The following CYSTM1 variants were observed in gnomAD, a reference collection of about 807,000 sequenced individuals.
CYSTM1 encodes cysteine rich transmembrane module containing 1, also known as cysteine-rich transmembrane module-containing protein 1.
CYSTM1 carries 4 observed loss-of-function variants against 13.1 expected under a neutral mutation model. That is an observed-to-expected ratio of 0.31 (90% CI 0.15 to 0.70). The LOEUF (loss-of-function observed/expected upper bound fraction) is 0.70. Among genes scored for constraint, CYSTM1 ranks in the 30% least tolerant of loss-of-function variants. The pLI, the probability that CYSTM1 is intolerant of heterozygous loss-of-function variation, is 0.72. For synonymous variants in CYSTM1, 36 were observed against 42.7 expected, an observed-to-expected ratio of 0.84 and a Z score of 0.62; for missense variants, 96 against 121.6, an observed-to-expected ratio of 0.79 and a Z score of 0.99.
At chr5:140,225,771 A>G (rs1229602360) in intron 2 of CYSTM1, among the ~76,000 whole-genome samples, 3 of 152,184 alleles carry the variant, frequency 2.0e-5, no homozygotes, top group Admixed American at 1.3e-4. Flanking sequence ...CCTCCCCAGC[A>G]TTCTTGTATT....
At chr5:140,214,771 G>A (rs1306435122) in intron 2 of CYSTM1, among the ~76,000 whole-genome samples, 1 of 152,248 alleles carries the variant, frequency 6.6e-6, no homozygotes, top group African/African-American at 2.4e-5. Flanking sequence ...AGGCACAGGT[G>A]GGATAGAGTA....
intron 2 of CYSTM1, among the ~76,000 whole-genome samples, chr5:140,231,016 G>A (rs370010209): frequency 6.6e-6 from 1 of 152,104 alleles, no homozygotes; most frequent in African/African-American, 2.4e-5. Context: ...GTTTGGCTTT[G>A]ATTGGAACAG....
intron 2 of CYSTM1, among the ~76,000 whole-genome samples, chr5:140,217,118 C>T (rs1032710447): frequency 4.6e-5 from 7 of 152,048 alleles, no homozygotes; most frequent in African/African-American, 1.2e-4. Context: ...GCCTTGGTTT[C>T]CTCTGAGCTT....
intron 1 of CYSTM1, among the ~76,000 whole-genome samples, chr5:140,183,437 AAG>A (rs1423235809): frequency 2.6e-5 from 4 of 152,116 alleles, no homozygotes; most frequent in Non-Finnish European, 5.9e-5. Context: ...TGACTATTTG[AAG>A]TTCCAATTAT....
chr5:140,227,398 G>T (rs868481368), intron 2 of CYSTM1, among the ~76,000 whole-genome samples: 2 of 152,180 alleles, frequency 1.3e-5, no homozygotes, highest in African/African-American at 4.8e-5. Context: ...TCCTTGGAGG[G>T]AGAGTTGTGA....
chr5:140,221,254 T>C (rs10039620), intron 2 of CYSTM1, among the ~76,000 whole-genome samples: 1 of 152,360 alleles, frequency 6.6e-6, no homozygotes, highest in African/African-American at 2.4e-5. Context: ...ATTTTTAATG[T>C]ACAATTCATT....
chr5:140,184,930 G>T (rs1390033709), intron 1 of CYSTM1, among the ~76,000 whole-genome samples: 1 of 152,234 alleles, frequency 6.6e-6, no homozygotes, highest in African/African-American at 2.4e-5. Flanking sequence ...GATAATTAAT[G>T]TAGGTATGGT....
chr5:140,178,158 G>A (rs975212918), intron 1 of CYSTM1, among the ~76,000 whole-genome samples: 1 of 152,164 alleles, frequency 6.6e-6, no homozygotes, highest in African/African-American at 2.4e-5. Context: ...GAAAGGCAGG[G>A]CTGGGGTATG....
intron 1 of CYSTM1, among the ~76,000 whole-genome samples, chr5:140,182,866 A>AT (rs958575636): frequency 1.3e-5 from 2 of 152,110 alleles, no homozygotes; most frequent in African/African-American, 2.4e-5. Flanking sequence ...CATGATAGGC[A>AT]TGAGTGGTAC....
At chr5:140,193,605 C>T (rs146293370) in intron 1 of CYSTM1, among the ~76,000 whole-genome samples, 38 of 152,300 alleles carry the variant, frequency 2.5e-4, no homozygotes, top group African/African-American at 7.9e-4. Context: ...TGAAAGTCAC[C>T]GTGCCAGGCA....
chr5:140,241,144 A>G (rs757562806), intron 2 of CYSTM1, among the ~76,000 whole-genome samples: 1 of 152,230 alleles, frequency 6.6e-6, no homozygotes, highest in Non-Finnish European at 1.5e-5. Flanking sequence ...ATGTTATGTG[A>G]AAGCCCTGGC....
intron 2 of CYSTM1, among the ~76,000 whole-genome samples, chr5:140,216,087 A>T (rs6872923): frequency 0.23 from 35,110 of 151,990 alleles, 4,100 homozygotes; most frequent in African/African-American, 0.25. Context: ...GGCTGCAGTG[A>T]GCTGAGATCA....
intron 2 of CYSTM1, among the ~76,000 whole-genome samples, chr5:140,242,984 G>T (rs1474666806): frequency 6.6e-6 from 1 of 152,216 alleles, no homozygotes; most frequent in African/African-American, 2.4e-5. Flanking sequence ...CCTCCAGGGG[G>T]GAAGACATGC....
At chr5:140,207,062 C>T (rs1309004050) in intron 2 of CYSTM1, among the ~76,000 whole-genome samples, 3 of 152,266 alleles carry the variant, frequency 2.0e-5, no homozygotes, top group Middle Eastern at 6.8e-3. Context: ...TGGAATGCCT[C>T]GGAAAAGTTT....
At position 140,243,252 on chromosome 5, in the gene CYSTM1, G is replaced by A. The variant is rs951320185; in HGVS notation, c.188-53G>A. The A allele has an allele frequency of 9.9e-6, 15 of 1,513,040 alleles. No homozygotes were observed. In the African/African-American group the frequency reaches 1.8e-4, roughly 18 times the overall value. The allele number at this position is 1,513,040 out of a possible 1,614,324, so 93.7% of individuals were successfully genotyped here. On this transcript the variant is annotated intron_variant, in intron 2 of 2. Coordinates refer to ENST00000261811, the MANE Select transcript of CYSTM1 (RefSeq NM_032412.4). The stretch of plus-strand genomic sequence containing the variant: ...TGGTCCTGGGAGGCTAACTTTGCAG[G>A]GCCTGGGGTTTGCACCAGTCCATTC...
At chr5:140,221,284 T>A (rs1470490775) in intron 2 of CYSTM1, among the ~76,000 whole-genome samples, 1 of 152,212 alleles carries the variant, frequency 6.6e-6, no homozygotes, top group African/African-American at 2.4e-5. Flanking sequence ...TACATTCACA[T>A]TGTTGTGAAA....
Position 140,209,185 on chromosome 5 carries a change from GAAGGGGACTGGAATAAGCTTTTTTA to G in CYSTM1, c.187+14535_187+14559del, listed in dbSNP as rs539860747. Among the ~76,000 whole-genome samples, 67 of 152,254 alleles carry G rather than the reference GAAGGGGACTGGAATAAGCTTTTTTA, an allele frequency of 4.4e-4. 1 individual carries two copies. In the East Asian group the frequency reaches 0.01, roughly 23 times the overall value. ...TTAAAGATATGCAGGAGAGAGGACA[GAAGGGGACTGGAATAAGCTTTTTTA>G]AGTGGTTAAACTCTGGGCTTGATTT... On this transcript the variant is annotated intron_variant, in intron 2 of 2. Transcript: ENST00000261811.
intron 2 of CYSTM1, among the ~76,000 whole-genome samples, chr5:140,205,425 T>C (rs1764287742): frequency 6.6e-6 from 1 of 152,206 alleles, no homozygotes; most frequent in Non-Finnish European, 1.5e-5. Context: ...TTATACTTTC[T>C]TTCATCAGAA....
At chr5:140,192,536 C>T (rs1764106088) in intron 1 of CYSTM1, among the ~76,000 whole-genome samples, 1 of 152,160 alleles carries the variant, frequency 6.6e-6, no homozygotes, top group South Asian at 2.1e-4. Flanking sequence ...TTCTGCTCTG[C>T]CTTTCTGAAT....
Sources: gnomAD v4.1 joint callset for allele counts (sites outside exome capture counted in the v4.1 genomes callset) on GRCh38, gnomAD v4.1.1 for gene constraint, MANE v1.5 for transcripts, NCBI Gene and HGNC (gene_info 2026-07-23, HGNC 2026-07-21) for gene names.